Variants in IDH3G observed in about 807,000 individuals in gnomAD.
IDH3G encodes isocitrate dehydrogenase [NAD] subunit gamma, mitochondrial.
Under a neutral mutation model 26.9 loss-of-function variants are expected in IDH3G, and 9 were observed. The observed-to-expected ratio is 0.34, with a 90% CI of 0.20 to 0.58. IDH3G has a LOEUF of 0.58. Ranked by LOEUF, IDH3G falls within the 20% of genes least tolerant of loss-of-function variation. The pLI, the probability that IDH3G is intolerant of heterozygous loss-of-function variation, is 0.85. For synonymous variants in IDH3G, 181 were observed against 160.0 expected (o/e 1.13, Z -0.99); for missense variants, 250 against 372.8 (o/e 0.67, Z 2.71).
In IDH3G at chrX:153,790,957, G is replaced by C. The variant is rs187435108; in HGVS notation, c.82-106C>G. 157 of 690,630 alleles carry C rather than the reference G, an allele frequency of 2.3e-4. 1 individual carries two copies. In the East Asian group the frequency reaches 5.0e-3, roughly 22 times the overall value. 56.9% of individuals were successfully genotyped at this position (690,630 alleles called of 1,213,427 possible). On this transcript the variant is annotated intron_variant, in intron 1 of 12. Coordinates refer to ENST00000217901, the MANE Select transcript of IDH3G (RefSeq NM_004135.4). ...CTGTGCCCAGGCAGGTCCCCTGTCT[G>C]TGCAGCATGGCCCACTGCCAGGGGC...
intron 9 of IDH3G, 25 bp downstream of exon 9, chrX:153,787,026 G>A (rs781876510): frequency 1.7e-6 from 2 of 1,190,218 alleles, no homozygotes; most frequent in African/African-American, 3.5e-5. Flanking sequence ...TCAGGGCAGG[G>A]GGACAGCACT....
chrX:153,786,703 T>C, intron 10 of IDH3G, 98 bp downstream of exon 10: 5 of 981,643 alleles, frequency 5.1e-6, no homozygotes, highest in Non-Finnish European at 7.0e-6. Context: ...TACTAAATCA[T>C]GCATTTTGAA....
At chrX:153,789,971 G>A in intron 4 of IDH3G, 147 bp from the exon 5 acceptor site, 1 of 485,927 alleles carries the variant, frequency 2.1e-6, no homozygotes, top group Non-Finnish European at 3.6e-6. Context: ...CTGACTGATG[G>A]GGACACGCTT....
chrX:153,790,820 T>C lies in IDH3G; in HGVS notation c.113A>G (p.Asn38Ser). Reference protein sequence around the residue: ...VLGAHEVPSRNIFSEQTIPPS... With the variant: ...VLGAHEVPSRSIFSEQTIPPS... The stretch of plus-strand genomic sequence containing the variant: ...CGGGCAGGTACTTACTGAAAAGATG[T>C]TCCTCGAGGGGACCTCGTGGGCGCC... Residue 38 changes from asparagine to serine, a missense_variant, in exon 2 of 13, where the codon AAC becomes AGC. Asn to Ser is a conservative substitution (Grantham distance 46). This residue lies in a region of IDH3G where 49 missense variants were observed against 41.5 expected (regional missense o/e 1.18). Transcript: ENST00000217901. 8.3e-7 allele frequency: 1 copy of C among 1,210,045 alleles called. No individual in the cohort carries two copies. The highest frequency in any genetic ancestry group is 1.8e-5 in the South Asian group (1 of 56,934).
Position 153,786,432 on chromosome X carries a change from G to A in IDH3G, c.942C>T (p.Gly314=). Residue 314 remains glycine, a synonymous_variant, in exon 11 of 13, where the codon GGC becomes GGT. Transcript: ENST00000217901. ...AVFETATRNT[G]KSIANKNIAN... ...CGATGTTCTTATTGGCGATACTCTT[G>A]CCGGTGTTCCTCGTAGCCTGGGGAG... 8.4e-7 allele frequency: 1 copy of A among 1,193,453 alleles called. No individual in the cohort carries two copies. The highest frequency in any genetic ancestry group is 1.1e-6 in the Non-Finnish European group (1 of 885,261).
rs2092093198 is a variant in IDH3G at position 153,787,452 on chromosome X, C to G, written c.674+12G>C. Reference sequence around the variant, plus strand: ...GCTTCTGGACTGCTCGCAGAGAGGTCAGGGGACATACATGATGTTGGCCTT... The same window carrying G: ...GCTTCTGGACTGCTCGCAGAGAGGTGAGGGGACATACATGATGTTGGCCTT... On this transcript the variant is annotated intron_variant, in intron 8 of 12. Transcript: ENST00000217901. The G allele has an allele frequency of 1.7e-6, 2 of 1,208,496 alleles. No individual in the cohort carries two copies. The highest frequency in any genetic ancestry group is 2.2e-6 in the Non-Finnish European group (2 of 894,323).
At position 153,787,493 on chromosome X, in the gene IDH3G, T is replaced by C. The variant is rs1603255281; in HGVS notation, c.645A>G (p.Lys215=). 8.3e-7 allele frequency: 1 copy of C among 1,211,667 alleles called. No individual in the cohort carries two copies. The highest frequency in any genetic ancestry group is 1.1e-6 in the Non-Finnish European group (1 of 895,504). ...TGTTGGCCTTGTGCACGGCCGTCAC[T>C]TTCTTGCGCCCGCTCTCCTGCGCCA... ...FKLAQESGRK[K]VTAVHKANIM... Residue 215 remains lysine (K), a synonymous_variant, in exon 8 of 13, where the codon AAA becomes AAG. Coordinates refer to ENST00000217901, the MANE Select transcript of IDH3G (RefSeq NM_004135.4).
chrX:153,786,440 T>C lies in IDH3G; in HGVS notation c.934A>G (p.Asn312Asp). The C allele has an allele frequency of 1.7e-6, 2 of 1,186,097 alleles. No individual in the cohort carries two copies. Among genetic ancestry groups the C allele is most frequent in the Non-Finnish European group, 2.3e-6 (2 of 880,715 alleles). ...TTATTGGCGATACTCTTGCCGGTGT[T>C]CCTCGTAGCCTGGGGAGGCAAGACG... ...VYAVFETATR[N>D]TGKSIANKNI... The change falls in exon 11 of 13, where the codon AAC becomes GAC. Residue 312 changes from asparagine (N) to aspartate (D), a missense_variant. Transcript: ENST00000217901.
In IDH3G at chrX:153,787,039, G is replaced by A. The variant is rs1361504454; in HGVS notation, c.777+12C>T. 6.7e-6 allele frequency: 8 copies of A among 1,199,048 alleles called. No individual in the cohort carries two copies. The highest frequency in any genetic ancestry group is 6.5e-5 in the Admixed American group (3 of 45,879). ...ACTCAGGGCAGGGGGACAGCACTGG[G>A]CAGGCTAATACCTGCATGGTGGTGT... On this transcript the variant is annotated intron_variant, in intron 9 of 12. Transcript: ENST00000217901.
chrX:153,790,896 G>A (rs781837037), intron 1 of IDH3G, 45 bp from the exon 2 acceptor site: 4 of 1,167,751 alleles, frequency 3.4e-6, no homozygotes. Flanking sequence ...GTCTAACCCA[G>A]AAAGCCAAGT....
intron 2 of IDH3G, 73 bp from the exon 3 acceptor site, chrX:153,790,648 G>A (rs2092106008): frequency 1.4e-5 from 16 of 1,128,111 alleles, no homozygotes; most frequent in South Asian, 1.1e-4. Context: ...CAGGAAAGTG[G>A]GACCTTTTCC....
At position 153,790,800 on chromosome X, in the gene IDH3G, AG is replaced by A. The variant is rs2092106790; in HGVS notation, c.123+9del. ...GAAAGACACATGCGTGGGCACGGGC[AG>A]GTACTTACTGAAAAGATGTTCCTCG... On this transcript the variant is annotated intron_variant, in intron 2 of 12. Transcript: ENST00000217901. 4 of 1,208,537 alleles carry A rather than the reference AG, an allele frequency of 3.3e-6. No homozygotes were observed. The African/African-American group carries it at 5.2e-5, about 16-fold the overall frequency.
chrX:153,787,609 A>G lies in IDH3G; in HGVS notation c.541-12T>C. On this transcript the variant is annotated splice_polypyrimidine_tract_variant and intron_variant, in intron 7 of 12. Transcript: ENST00000217901. Reference sequence around the variant, plus strand: ...ACTCCCGCCACACTCTGAGGAGGGCATGGGGAGAAGAGACCCATGTGCTAC... The same window carrying G: ...ACTCCCGCCACACTCTGAGGAGGGCGTGGGGAGAAGAGACCCATGTGCTAC... The G allele has an allele frequency of 1.7e-6, 2 of 1,209,453 alleles. No homozygotes were observed. The highest frequency in any genetic ancestry group is 1.8e-5 in the South Asian group (1 of 56,829).
chrX:153,790,796 G>T lies in IDH3G; in HGVS notation c.123+14C>A. 1.7e-6 allele frequency: 2 copies of T among 1,208,476 alleles called. No individual in the cohort carries two copies. The highest frequency in any genetic ancestry group is 2.2e-6 in the Non-Finnish European group (2 of 892,094). ...TGGAGAAAGACACATGCGTGGGCAC[G>T]GGCAGGTACTTACTGAAAAGATGTT... On this transcript the variant is annotated intron_variant, in intron 2 of 12. Transcript: ENST00000217901.
chrX:153,789,175 G>A (rs782168204), intron 5 of IDH3G: 36 of 341,478 alleles, frequency 1.1e-4, no homozygotes, highest in Non-Finnish European at 1.9e-4. Context: ...CTCCAAGCAC[G>A]AGGGTCCTCT....
chrX:153,789,890 C>T, intron 4 of IDH3G, 66 bp from the exon 5 acceptor site: 1 of 729,038 alleles, frequency 1.4e-6, no homozygotes, highest in Non-Finnish European at 2.1e-6. Context: ...GAAGCCTGCC[C>T]AGGCTACCTC....
intron 5 of IDH3G, 59 bp downstream of exon 5, chrX:153,789,653 G>A: frequency 1.5e-6 from 1 of 668,717 alleles, no homozygotes; most frequent in Non-Finnish European, 2.3e-6. Flanking sequence ...AACGAAGGAA[G>A]AAAGCAAGAA....
In IDH3G at chrX:153,786,758, C is replaced by A. The variant is rs782489754; in HGVS notation, c.924+43G>T. 2.3e-5 allele frequency: 27 copies of A among 1,180,684 alleles called. No individual in the cohort carries two copies. The East Asian group carries it at 6.0e-4, about 26-fold the overall frequency. On this transcript the variant is annotated intron_variant, in intron 10 of 12. Transcript: ENST00000217901. ...GAGTGTGCCTCACTAAGTCTGTGAA[C>A]AGGAGAAAGGCGGCAAGCCGCGGCA...
intron 3 of IDH3G, 124 bp downstream of exon 3, chrX:153,790,440 G>T: frequency 1.1e-6 from 1 of 905,090 alleles, no homozygotes; most frequent in Non-Finnish European, 1.6e-6. Context: ...GGGCAGCCCC[G>T]TCCCAGACAG....
Sources: gnomAD v4.1 joint callset for allele counts on GRCh38, gnomAD v4.1.1 for gene constraint, gnomAD v4.1.1 regional missense constraint, MANE v1.5 for transcripts, NCBI Gene and HGNC (gene_info 2026-07-23, HGNC 2026-07-21) for gene names.